TSPAN15: variants seen among roughly 807,000 people sequenced by gnomAD.
TSPAN15 encodes the protein tetraspanin-15.
TSPAN15 carries 20 observed loss-of-function variants against 34.5 expected under a neutral mutation model. The ratio of observed to expected loss-of-function variants is 0.58; its 90% CI spans 0.41 to 0.84. The LOEUF (loss-of-function observed/expected upper bound fraction) is 0.84, where lower values mean the gene tolerates loss of function less well. Among genes scored for constraint, TSPAN15 ranks in the 40% least tolerant of loss-of-function variants. The probability of loss-of-function intolerance (pLI) is 0.00; values close to 1 mark genes in which losing one functional copy is unlikely to be tolerated. For missense variants in TSPAN15, 313 were observed against 386.1 expected (o/e 0.81, Z 1.59); for synonymous variants, 155 against 153.9 (o/e 1.01, Z -0.05).
At chr10:69,515,580 C>G in the TSPAN15 span, among the ~76,000 whole-genome samples, 1 of 152,182 alleles carries the variant, frequency 6.6e-6, no homozygotes, top group South Asian at 2.1e-4. Context: ...AGAGGCCCTG[C>G]CAGCAACCTC....
At chr10:69,547,679 G>A in the TSPAN15 span, among the ~76,000 whole-genome samples, 1 of 152,154 alleles carries the variant, frequency 6.6e-6, no homozygotes, top group East Asian at 1.9e-4. Flanking sequence ...ATTCAAACAA[G>A]TAGGAAAGGG....
chr10:69,472,537 A>G (rs1841528890), intron 1 of TSPAN15, among the ~76,000 whole-genome samples: 1 of 152,178 alleles, frequency 6.6e-6, no homozygotes, highest in Non-Finnish European at 1.5e-5. Flanking sequence ...TGTCTGGTAC[A>G]TAAGAGGTGC....
rs1430861465 is a variant in TSPAN15 at position 69,507,257 on chromosome 10, G to A, written c.*279G>A. ...CCTTTCTCCAGGCCTGGGCTACGGG[G>A]GAGGGAGAGCCTGAGGCTCTGCTCA... is the stretch of plus-strand genomic sequence containing the variant. On this transcript the variant is annotated 3_prime_UTR_variant, in exon 8 of 8. Transcript: ENST00000373290. 1.5e-6 allele frequency: 2 copies of A among 1,348,434 alleles called. No homozygotes were observed. The highest frequency in any genetic ancestry group is 1.9e-6 in the Non-Finnish European group (2 of 1,049,092). The allele number at this position is 1,348,434 out of a possible 1,614,324, so 83.5% of individuals were successfully genotyped here. A position where few individuals can be genotyped will look rare whatever the true frequency, so the allele number is the denominator to read the frequency against.
chr10:69,456,996 A>T (rs1310345515), intron 1 of TSPAN15, among the ~76,000 whole-genome samples: 2 of 152,036 alleles, frequency 1.3e-5, no homozygotes, highest in Non-Finnish European at 2.9e-5. Context: ...AGTCATGGGG[A>T]TGTCTGCGGG....
chr10:69,490,469 C>T (rs2133126901), intron 3 of TSPAN15, among the ~76,000 whole-genome samples: 1 of 152,256 alleles, frequency 6.6e-6, no homozygotes, highest in South Asian at 2.1e-4. Context: ...GCTTGTAATC[C>T]CAGCACTTTG....
At chr10:69,501,846 G>C (rs959963009) in intron 5 of TSPAN15, among the ~76,000 whole-genome samples, 9 of 152,174 alleles carry the variant, frequency 5.9e-5, no homozygotes, top group Admixed American at 3.9e-4. Context: ...CAGCATTAGA[G>C]TCGCATAGGA....
chr10:69,469,835 T>C (rs1289822521), intron 1 of TSPAN15, among the ~76,000 whole-genome samples: 1 of 152,156 alleles, frequency 6.6e-6, no homozygotes, highest in Non-Finnish European at 1.5e-5. Flanking sequence ...TAAGCCACCA[T>C]GCCCAGCCTA....
intron 1 of TSPAN15, among the ~76,000 whole-genome samples, chr10:69,470,598 G>A (rs1841483814): frequency 6.6e-6 from 1 of 152,092 alleles, no homozygotes; most frequent in Non-Finnish European, 1.5e-5. Context: ...AGCAGTCCAA[G>A]CAACTCTTTT....
chr10:69,478,122 A>G (rs1841655298), intron 1 of TSPAN15, among the ~76,000 whole-genome samples: 1 of 152,084 alleles, frequency 6.6e-6, no homozygotes, highest in African/African-American at 2.4e-5. Flanking sequence ...GGACAGGAGA[A>G]GCTGGGGCAG....
intron 3 of TSPAN15, among the ~76,000 whole-genome samples, chr10:69,489,725 G>GCATGGCCTGA (rs1385474551): frequency 6.6e-6 from 1 of 152,236 alleles, no homozygotes; most frequent in African/African-American, 2.4e-5. Context: ...CTGCTGCTAG[G>GCATGGCCTGA]CATGGCCTGA....
At chr10:69,508,839 C>T (rs1842385809), downstream of TSPAN15, among the ~76,000 whole-genome samples, 1 of 152,206 alleles carries the variant, frequency 6.6e-6, no homozygotes, top group Non-Finnish European at 1.5e-5. Context: ...CCACTCAGCC[C>T]CTCTGCTTTA....
intron 3 of TSPAN15, among the ~76,000 whole-genome samples, chr10:69,486,739 G>C (rs930221733): frequency 2.6e-5 from 4 of 152,228 alleles, no homozygotes; most frequent in African/African-American, 9.6e-5. Flanking sequence ...TTCCAGCCCA[G>C]GTGGGAGCAG....
chr10:69,537,492 G>A, the TSPAN15 span, among the ~76,000 whole-genome samples: 42 of 152,218 alleles, frequency 2.8e-4, no homozygotes, highest in Non-Finnish European at 5.7e-4. Context: ...TCAAGGTGTC[G>A]TCAGGGCCAG....
intron 4 of TSPAN15, 115 bp from the exon 5 acceptor site, chr10:69,498,165 C>A: frequency 1.5e-5 from 13 of 874,192 alleles, no homozygotes; most frequent in Non-Finnish European, 2.4e-5. Flanking sequence ...CCTCTCCCTG[C>A]CCCAGGGTGA....
chr10:69,511,796 T>A (rs1037566103), downstream of TSPAN15, among the ~76,000 whole-genome samples: 1 of 152,074 alleles, frequency 6.6e-6, no homozygotes, highest in Admixed American at 6.6e-5. Flanking sequence ...TGCAGGGACA[T>A]GGATGAAGCT....
At chr10:69,472,208 G>A (rs1841521524) in intron 1 of TSPAN15, among the ~76,000 whole-genome samples, 1 of 152,118 alleles carries the variant, frequency 6.6e-6, no homozygotes, top group East Asian at 1.9e-4. Flanking sequence ...TCCTCTGCCT[G>A]TCCTTGATTC....
chr10:69,476,873 A>G (rs1841625274), intron 1 of TSPAN15, among the ~76,000 whole-genome samples: 1 of 152,000 alleles, frequency 6.6e-6, no homozygotes, highest in African/African-American at 2.4e-5. Context: ...TGTCCCCAGA[A>G]CTTAGAGTAC....
At chr10:69,509,811 GT>G (rs1564619882), downstream of TSPAN15, among the ~76,000 whole-genome samples, 4 of 152,142 alleles carry the variant, frequency 2.6e-5, no homozygotes, top group Non-Finnish European at 5.9e-5. Flanking sequence ...TGGCTAGCCA[GT>G]TTTCACTACA....
chr10:69,495,446 G>A (rs1842058765), intron 3 of TSPAN15, 148 bp from the exon 4 acceptor site: 2 of 624,498 alleles, frequency 3.2e-6, no homozygotes, highest in Admixed American at 2.6e-5. Context: ...CGGGCATCCA[G>A]GGTGGGGAGT....
Sources: allele counts gnomAD v4.1 joint callset (sites outside exome capture counted in the v4.1 genomes callset), GRCh38; gene constraint gnomAD v4.1.1; transcripts MANE v1.5; gene names NCBI Gene and HGNC (gene_info 2026-07-23, HGNC 2026-07-21).